The following BPNT1 variants were observed in gnomAD, a reference collection of about 807,000 sequenced individuals.
BPNT1 encodes 3'(2'),5'-bisphosphate nucleotidase 1.
A neutral mutation model predicts 36.9 loss-of-function variants in BPNT1; 28 were observed. That is an observed-to-expected ratio of 0.76 (90% CI 0.56 to 1.04). The LOEUF is 1.04. Ranked by LOEUF, BPNT1 falls within the 50% of genes least tolerant of loss-of-function variation. BPNT1 has a pLI of 0.00. For missense variants in BPNT1, 313 were observed against 372.9 expected, an observed-to-expected ratio of 0.84 and a Z score of 1.32; for synonymous variants, 119 against 130.9, an observed-to-expected ratio of 0.91 and a Z score of 0.62.
chr1:220,059,114 A>C, intron 8 of BPNT1, 122 bp from the exon 9 acceptor site: 1 of 906,686 alleles, frequency 1.1e-6, no homozygotes, highest in Non-Finnish European at 1.7e-6. Context: ...TGGATGAAAT[A>C]ATGAGTGTCC....
intron 2 of BPNT1, among the ~76,000 whole-genome samples, chr1:220,079,393 C>G (rs971175043): frequency 2.6e-5 from 4 of 152,202 alleles, no homozygotes; most frequent in Admixed American, 2.6e-4. Flanking sequence ...GCTGGGATTA[C>G]AGGCGCTCGC....
At chr1:220,062,224 T>C (rs1011097056) in intron 7 of BPNT1, among the ~76,000 whole-genome samples, 2 of 151,310 alleles carry the variant, frequency 1.3e-5, no homozygotes, top group African/African-American at 2.4e-5. Context: ...ACATGTGCCA[T>C]GCTGGTGTGC....
chr1:220,064,781 C>A (rs552708503), intron 6 of BPNT1, among the ~76,000 whole-genome samples: 1 of 152,070 alleles, frequency 6.6e-6, no homozygotes, highest in Non-Finnish European at 1.5e-5. Context: ...ACAGGAGAGG[C>A]TTGGAATCTA....
At chr1:220,084,611 A>T (rs1315273424) in intron 1 of BPNT1, among the ~76,000 whole-genome samples, 1 of 152,190 alleles carries the variant, frequency 6.6e-6, no homozygotes, top group Admixed American at 6.5e-5. Flanking sequence ...ATAACTTTTC[A>T]TAGATATCAT....
chr1:220,089,169 AAAG>A (rs748403164), intron 1 of BPNT1, among the ~76,000 whole-genome samples: 4 of 151,734 alleles, frequency 2.6e-5, no homozygotes, highest in African/African-American at 4.8e-5. Flanking sequence ...AAAAAAGAAG[AAAG>A]AAGAAGAGTT....
At chr1:220,078,606 TA>T (rs1454500919) in intron 2 of BPNT1, among the ~76,000 whole-genome samples, 1 of 146,986 alleles carries the variant, frequency 6.8e-6, no homozygotes, top group East Asian at 1.9e-4. Flanking sequence ...TATATATATA[TA>T]TTTTTTTGAG....
chr1:220,072,846 A>G lies in BPNT1; in HGVS notation c.333+4T>C. 1 of 1,609,308 alleles carries G rather than the reference A, an allele frequency of 6.2e-7. No individual in the cohort carries two copies. Among genetic ancestry groups the G allele is most frequent in the African/African-American group, 1.3e-5 (1 of 74,980 alleles). On this transcript the variant is annotated splice_donor_region_variant and intron_variant, in intron 4 of 8. Coordinates refer to ENST00000322067, the MANE Select transcript of BPNT1 (RefSeq NM_006085.6). Reference sequence around the variant, plus strand: ...AGAGAGTTGAGTATAAATATGGGTCATACATCTTCTTCTTTAATAGCACTG... The same window carrying G: ...AGAGAGTTGAGTATAAATATGGGTCGTACATCTTCTTCTTTAATAGCACTG...
At chr1:220,082,146 G>A (rs137926782) in intron 1 of BPNT1, among the ~76,000 whole-genome samples, 19,404 of 136,958 alleles carry the variant, frequency 0.14, 1,453 homozygotes, top group Middle Eastern at 0.2. Flanking sequence ...AAATATATAT[G>A]ATATATATGT....
rs2102701412 is a variant in BPNT1, at chr1:220,073,955, G to A, written c.225+12C>T. The A allele has an allele frequency of 1.2e-6, 2 of 1,609,138 alleles. No individual in the cohort carries two copies. Among genetic ancestry groups the A allele is most frequent in the East Asian group, 4.5e-5 (2 of 44,860 alleles). ...ACAGAGATTTTAAAAAAATGTCTCT[G>A]ATGACGCTTACCTCTTCCCCTATAA... On this transcript the variant is annotated intron_variant, in intron 3 of 8. Transcript: ENST00000322067.
chr1:220,069,016 T>C (rs1663801327), intron 5 of BPNT1, among the ~76,000 whole-genome samples: 1 of 151,996 alleles, frequency 6.6e-6, no homozygotes, highest in African/African-American at 2.4e-5. Context: ...GGGGAGGGCA[T>C]GGGATGGTGG....
At chr1:220,078,768 T>G (rs895652795) in intron 2 of BPNT1, among the ~76,000 whole-genome samples, 5 of 151,688 alleles carry the variant, frequency 3.3e-5, no homozygotes, top group Admixed American at 6.6e-5. Context: ...CAGCTAATTT[T>G]TGTATTTTTA....
intron 5 of BPNT1, 27 bp from the exon 6 acceptor site, chr1:220,067,420 A>T (rs1173390093): frequency 6.6e-7 from 1 of 1,526,418 alleles, no homozygotes. Flanking sequence ...AATATCAGTT[A>T]TATAACTTGC....
intron 5 of BPNT1, among the ~76,000 whole-genome samples, chr1:220,068,545 T>G (rs1663752320): frequency 6.6e-6 from 1 of 151,008 alleles, no homozygotes; most frequent in Non-Finnish European, 1.5e-5. Flanking sequence ...GTGCGGTGGC[T>G]CACACCTGTA....
Position 220,058,525 on chromosome 1 carries a change from T to C in BPNT1, c.*319A>G. 1.0e-6 allele frequency: 1 copy of C among 1,001,976 alleles called. No homozygotes were observed. The highest frequency in any genetic ancestry group is 1.2e-6 in the Non-Finnish European group (1 of 836,812). The allele number at this position is 1,001,976 out of a possible 1,614,324, so 62.1% of individuals were successfully genotyped here. On this transcript the variant is annotated 3_prime_UTR_variant, in exon 9 of 9. Coordinates refer to ENST00000322067, the MANE Select transcript of BPNT1 (RefSeq NM_006085.6). ...AGTAAATGAAACTTTAAGTACTTTT[T>C]GGGTTTTTGTTTTTTTTTTTTCTGA...
rs1394339956 is a variant in BPNT1, at chr1:220,076,414, C to T, written c.121-2343G>A. 4.0e-5 allele frequency among the ~76,000 whole-genome samples: 6 copies of T among 149,432 alleles called. No homozygotes were observed. In the Admixed American group the frequency reaches 4.0e-4, roughly 10 times the overall value. ...TACTCGGGAGGCTGAGGCAGGAAAA[C>T]GGCATGAACCTGGGAGGCAGAGCTT... On this transcript the variant is annotated intron_variant, in intron 2 of 8. Coordinates refer to ENST00000322067, the MANE Select transcript of BPNT1 (RefSeq NM_006085.6).
At chr1:220,063,818 T>C (rs1199458088) in intron 6 of BPNT1, among the ~76,000 whole-genome samples, 1 of 152,150 alleles carries the variant, frequency 6.6e-6, no homozygotes. Flanking sequence ...AAAATGACAA[T>C]GATAATGCAA....
chr1:220,065,387 C>T (rs543766120), intron 6 of BPNT1, among the ~76,000 whole-genome samples: 9 of 151,886 alleles, frequency 5.9e-5, no homozygotes, highest in Non-Finnish European at 8.8e-5. Context: ...GTAATAAAGG[C>T]GAAAATTTTC....
At chr1:220,077,759 G>A (rs931289570) in intron 2 of BPNT1, among the ~76,000 whole-genome samples, 3 of 152,012 alleles carry the variant, frequency 2.0e-5, no homozygotes, top group Non-Finnish European at 2.9e-5. Flanking sequence ...TCATAAGTGA[G>A]TGACTTAACT....
chr1:220,066,003 T>C, intron 6 of BPNT1: 1 of 1,199,524 alleles, frequency 8.3e-7, no homozygotes, highest in Admixed American at 2.5e-5. Context: ...AATGACCACC[T>C]GGGGTACCAC....
Sources: allele counts gnomAD v4.1 joint callset (sites outside exome capture counted in the v4.1 genomes callset), GRCh38; gene constraint gnomAD v4.1.1; transcripts MANE v1.5; gene names NCBI Gene and HGNC (gene_info 2026-07-23, HGNC 2026-07-21).